The following EVI5L variants were observed in gnomAD, a reference collection of about 807,000 sequenced individuals.
EVI5L encodes ecotropic viral integration site 5 like.
Under a neutral mutation model 106.1 loss-of-function variants are expected in EVI5L, and 30 were observed. That is an observed-to-expected ratio of 0.28 (90% CI 0.21 to 0.38). The LOEUF (loss-of-function observed/expected upper bound fraction) is 0.38, where lower values mean the gene tolerates loss of function less well. EVI5L is among the 10% of genes least tolerant of loss of function. The pLI, the probability that EVI5L is intolerant of heterozygous loss-of-function variation, is 1.00. For missense variants in EVI5L, 809 were observed against 1,098.0 expected (o/e 0.74, Z 3.72); for synonymous variants, 489 against 483.3 (o/e 1.01, Z -0.15).
Position 7,863,169 on chromosome 19 carries a change from C to T in EVI5L, c.2044-16C>T, listed in dbSNP as rs1222442512. 2.6e-6 allele frequency: 4 copies of T among 1,550,904 alleles called. No individual in the cohort carries two copies. The highest frequency in any genetic ancestry group is 1.4e-5 in the African/African-American group (1 of 73,190). Reference sequence around the variant, plus strand: ...CAGCATGGCACTGGCCCCGCGTGACCTGGCGCACCCCGCAGAGGGAGGAAG... The same window carrying T: ...CAGCATGGCACTGGCCCCGCGTGACTTGGCGCACCCCGCAGAGGGAGGAAG... On this transcript the variant is annotated splice_polypyrimidine_tract_variant and intron_variant, in intron 18 of 19. Coordinates refer to ENST00000538904, the MANE Select transcript of EVI5L (RefSeq NM_001159944.3). This position sits in a 1 kb window ranked among gnomAD's most constrained non-coding sequence, Gnocchi z 7.7.
rs498039 is a variant in EVI5L, at chr19:7,850,763, T to G, written c.753+641T>G. ...CTGGTAGTGCCACAAGCAGGAGGCC[T>G]GGGCTGCAGAGAAGGCACCACCCCA... On this transcript the variant is annotated intron_variant, in intron 6 of 19. Coordinates refer to ENST00000538904, the MANE Select transcript of EVI5L (RefSeq NM_001159944.3). The surrounding 1 kb of genome is among the most constrained non-coding windows in gnomAD (Gnocchi z 5.4). Among the ~76,000 whole-genome samples the G allele has an allele frequency of 2.0e-5, 3 of 152,164 alleles. No individual in the cohort carries two copies. Among genetic ancestry groups the G allele is most frequent in the African/African-American group, 7.2e-5 (3 of 41,520 alleles).
At chr19:7,831,282 G>T in intron 1 of EVI5L, among the ~76,000 whole-genome samples, 1 of 136,870 alleles carries the variant, frequency 7.3e-6, no homozygotes, top group Admixed American at 7.1e-5. Flanking sequence ...CAGTCACTTA[G>T]ATCCCCCAGC....
At position 7,857,212 on chromosome 19, in the gene EVI5L, T is replaced by A; in HGVS notation, c.1233+88T>A. ...TGACAGCCAGTAACCGCCTCTTCCCTGCCATTCTGCGGGCAGGCCTGGCGC... is the reference window on the plus strand; with the variant it reads ...TGACAGCCAGTAACCGCCTCTTCCCAGCCATTCTGCGGGCAGGCCTGGCGC... On this transcript the variant is annotated intron_variant, in intron 12 of 19. Coordinates refer to ENST00000538904, the MANE Select transcript of EVI5L (RefSeq NM_001159944.3). This position sits in a 1 kb window ranked among gnomAD's most constrained non-coding sequence, Gnocchi z 4.5. The A allele has an allele frequency of 6.6e-7, 1 of 1,513,100 alleles. No individual in the cohort carries two copies. The highest frequency in any genetic ancestry group is 9.0e-7 in the Non-Finnish European group (1 of 1,113,636). The allele number at this position is 1,513,100 out of a possible 1,614,324, so 93.7% of individuals were successfully genotyped here.
rs1599582626 is a variant in EVI5L at position 7,863,348 on chromosome 19, T to C, written c.2139+68T>C. 6.5e-7 allele frequency: 1 copy of C among 1,544,040 alleles called. No individual in the cohort carries two copies. Among genetic ancestry groups the C allele is most frequent in the Admixed American group, 2.0e-5 (1 of 50,792 alleles). On this transcript the variant is annotated intron_variant, in intron 19 of 19. Coordinates refer to ENST00000538904, the MANE Select transcript of EVI5L (RefSeq NM_001159944.3). This position sits in a 1 kb window ranked among gnomAD's most constrained non-coding sequence, Gnocchi z 7.7. ...CGGCCTGGGACGAGCCGAGCGCAGG[T>C]GCCTTGCGGAGGATGCGGCTGGGAG...
chr19:7,848,123 G>A lies in EVI5L; in HGVS notation c.327+202G>A, dbSNP rs1979048771. Reference sequence around the variant, plus strand: ...GTCAGGGTGGTGCTGGACAGGCCCTGCACCCTCGAGTGCCCATGTGCTTGC... The same window carrying A: ...GTCAGGGTGGTGCTGGACAGGCCCTACACCCTCGAGTGCCCATGTGCTTGC... On this transcript the variant is annotated intron_variant, in intron 3 of 19. Coordinates refer to ENST00000538904, the MANE Select transcript of EVI5L (RefSeq NM_001159944.3). The surrounding 1 kb of genome is among the most constrained non-coding windows in gnomAD (Gnocchi z 4.8). 6.6e-6 allele frequency among the ~76,000 whole-genome samples: 1 copy of A among 152,174 alleles called. No homozygotes were observed. Among genetic ancestry groups the A allele is most frequent in the Non-Finnish European group, 1.5e-5 (1 of 68,032 alleles).
rs1239077836 is a variant in EVI5L at position 7,860,648 on chromosome 19, G to A, written c.1462G>A (p.Ala488Thr). 1 of 1,594,996 alleles carries A rather than the reference G, an allele frequency of 6.3e-7. No individual in the cohort carries two copies. Among genetic ancestry groups the A allele is most frequent in the Non-Finnish European group, 8.5e-7 (1 of 1,170,962 alleles). The change falls in exon 14 of 20, where the codon GCC becomes ACC. Residue 488 changes from alanine to threonine, a missense_variant. By Grantham distance (58) the Ala-to-Thr change is moderately conservative. Coordinates refer to ENST00000538904, the MANE Select transcript of EVI5L (RefSeq NM_001159944.3). ...SRLRETETLGALREMQDKVLD... is the reference protein window; with the variant it reads ...SRLRETETLGTLREMQDKVLD... ...GCTGCGGGAGACGGAGACACTGGGG[G>A]CCCTTCGGGAGATGCAGGACAAGGT... is the stretch of plus-strand genomic sequence containing the variant.
At chr19:7,846,332 G>A (rs1239875014) in intron 1 of EVI5L, among the ~76,000 whole-genome samples, 164 bp from the exon 2 acceptor site, 3 of 152,218 alleles carry the variant, frequency 2.0e-5, no homozygotes, top group Non-Finnish European at 4.4e-5. Flanking sequence ...AACAGAAGGG[G>A]CAGCATGGCT....
chr19:7,860,721 G>A (rs370446007), intron 14 of EVI5L, 32 bp downstream of exon 14: 15 of 1,543,334 alleles, frequency 9.7e-6, no homozygotes, highest in Middle Eastern at 1.7e-4. Flanking sequence ...GCAGGTGTCG[G>A]GGGGACCCTG....
In EVI5L at chr19:7,835,723, T is replaced by G. The variant is rs1378021736; in HGVS notation, c.-48+5342T>G. 6.6e-6 allele frequency among the ~76,000 whole-genome samples: 1 copy of G among 152,106 alleles called. No homozygotes were observed. Among genetic ancestry groups the G allele is most frequent in the Non-Finnish European group, 1.5e-5 (1 of 68,026 alleles). Reference sequence around the variant, plus strand: ...ACCTCTGAATTCAAGCCGCTGTTCTTGTTATCCAAGGGGCAGCTCACCTGT... The same window carrying G: ...ACCTCTGAATTCAAGCCGCTGTTCTGGTTATCCAAGGGGCAGCTCACCTGT... On this transcript the variant is annotated intron_variant, in intron 1 of 19. Coordinates refer to ENST00000538904, the MANE Select transcript of EVI5L (RefSeq NM_001159944.3). This position sits in a 1 kb window ranked among gnomAD's most constrained non-coding sequence, Gnocchi z 4.1.
rs576579209 is a variant in EVI5L, at chr19:7,845,810, C to T, written c.-47-686C>T. ...AGATGTGCCTGGGACTCACCTGGCA[C>T]GTGGCAGGCCAAGATCTGGATACGG... On this transcript the variant is annotated intron_variant, in intron 1 of 19. Coordinates refer to ENST00000538904, the MANE Select transcript of EVI5L (RefSeq NM_001159944.3). The surrounding 1 kb of genome is among the most constrained non-coding windows in gnomAD (Gnocchi z 4.0). 1.3e-5 allele frequency among the ~76,000 whole-genome samples: 2 copies of T among 152,306 alleles called. No individual in the cohort carries two copies. Among genetic ancestry groups the T allele is most frequent in the Admixed American group, 6.5e-5 (1 of 15,296 alleles).
chr19:7,863,155 T>C lies in EVI5L; in HGVS notation c.2044-30T>C. 1 of 1,546,906 alleles carries C rather than the reference T, an allele frequency of 6.5e-7. No individual in the cohort carries two copies. Among genetic ancestry groups the C allele is most frequent in the Non-Finnish European group, 8.7e-7 (1 of 1,145,746 alleles). On this transcript the variant is annotated intron_variant, in intron 18 of 19. Transcript: ENST00000538904. The surrounding 1 kb of genome is among the most constrained non-coding windows in gnomAD (Gnocchi z 7.7). ...CCGGACCCCAGGCCCAGCATGGCAC[T>C]GGCCCCGCGTGACCTGGCGCACCCC...
chr19:7,855,105 T>C (rs538323922), intron 10 of EVI5L, among the ~76,000 whole-genome samples: 9 of 151,538 alleles, frequency 5.9e-5, no homozygotes, highest in African/African-American at 2.2e-4. Context: ...AAAGTGCAAA[T>C]ATCTTTTTCT....
At chr19:7,849,728 C>T (rs520384) in intron 5 of EVI5L, among the ~76,000 whole-genome samples, 31,653 of 152,108 alleles carry the variant, frequency 0.21, 3,723 homozygotes, top group African/African-American at 0.31. Context: ...GGTATCCTAA[C>T]CAGGGGGATG....
Position 7,858,526 on chromosome 19 carries a change from T to C in EVI5L, c.1374+195T>C, listed in dbSNP as rs544942092. On this transcript the variant is annotated intron_variant, in intron 13 of 19. Transcript: ENST00000538904. The surrounding 1 kb of genome is among the most constrained non-coding windows in gnomAD (Gnocchi z 5.7). ...CTCCACATTCTGAGACATCCTGATA[T>C]CCATTTCTTGCCACCTCATAGTGTG... 8 of 705,816 alleles carry C rather than the reference T, an allele frequency of 1.1e-5. No individual in the cohort carries two copies. Among genetic ancestry groups the C allele is most frequent in the East Asian group, 5.6e-5 (2 of 35,536 alleles). The allele number at this position is 705,816 out of a possible 1,614,324, so 43.7% of individuals were successfully genotyped here. A position where few individuals can be genotyped will look rare whatever the true frequency, so the allele number is the denominator to read the frequency against.
At chr19:7,844,118 C>T (rs191086061) in intron 1 of EVI5L, among the ~76,000 whole-genome samples, 40 of 151,544 alleles carry the variant, frequency 2.6e-4, no homozygotes, top group African/African-American at 9.2e-4. Context: ...TTTGGGAGGC[C>T]GAGGCAGATG....
chr19:7,834,601 T>C (rs1270471179), intron 1 of EVI5L, among the ~76,000 whole-genome samples: 1 of 152,156 alleles, frequency 6.6e-6, no homozygotes, highest in African/African-American at 2.4e-5. Context: ...GGAGGGCCTG[T>C]TGAAGAGGGG....
chr19:7,859,305 C>T (rs1979686648), intron 13 of EVI5L: 1 of 152,268 alleles, frequency 6.6e-6, no homozygotes, highest in African/African-American at 2.4e-5. Context: ...GGACACATGC[C>T]CTGGAGGGGC....
Position 7,844,871 on chromosome 19 carries a change from A to G in EVI5L, c.-47-1625A>G, listed in dbSNP as rs111834355. On this transcript the variant is annotated intron_variant, in intron 1 of 19. Coordinates refer to ENST00000538904, the MANE Select transcript of EVI5L (RefSeq NM_001159944.3). ...TTCTGGGTCCCCATACAGTGAAAAAAGAATGGCGCACCTCCCCCAACCCTA... is the reference window on the plus strand; with the variant it reads ...TTCTGGGTCCCCATACAGTGAAAAAGGAATGGCGCACCTCCCCCAACCCTA... 1.9e-3 allele frequency among the ~76,000 whole-genome samples: 294 copies of G among 152,286 alleles called. 1 individual carries two copies. Among genetic ancestry groups the G allele is most frequent in the African/African-American group, 6.4e-3 (264 of 41,566 alleles).
At chr19:7,861,067 G>A (rs1053524086) in intron 14 of EVI5L, among the ~76,000 whole-genome samples, 5 of 152,138 alleles carry the variant, frequency 3.3e-5, no homozygotes, top group African/African-American at 1.2e-4. Flanking sequence ...CCATCCCAGG[G>A]CTTCTGGGTT....
Sources: allele counts gnomAD v4.1 joint callset (sites outside exome capture counted in the v4.1 genomes callset), GRCh38; gene constraint gnomAD v4.1.1; non-coding constraint Gnocchi (gnomAD v3.1); transcripts MANE v1.5; gene names NCBI Gene and HGNC (gene_info 2026-07-23, HGNC 2026-07-21).